Variants in GMPPB observed in about 807,000 individuals in gnomAD.
GMPPB encodes mannose-1-phosphate guanylyltransferase catalytic subunit beta.
Under a neutral mutation model 40.3 loss-of-function variants are expected in GMPPB, and 38 were observed. The ratio of observed to expected loss-of-function variants is 0.94; its 90% CI spans 0.73 to 1.24. The LOEUF (loss-of-function observed/expected upper bound fraction) is 1.24, where lower values mean the gene tolerates loss of function less well. Among genes scored for constraint, GMPPB ranks in the 50% most tolerant of loss-of-function variants. The pLI, the probability that GMPPB is intolerant of heterozygous loss-of-function variation, is 0.00. For synonymous variants in GMPPB, 193 were observed against 191.8 expected (o/e 1.01, Z -0.05); for missense variants, 436 against 487.1 (o/e 0.90, Z 0.99).
At position 49,720,312 on chromosome 3, in the gene GMPPB, C is replaced by T. The variant is rs2080369726; in HGVS notation, c.*1440G>A. The stretch of plus-strand genomic sequence containing the variant: ...GCCTGGGCAACAGAGCGAGACTCGT[C>T]TCAAGAAAAAAAAAAAAAAAACAGG... On this transcript the variant is annotated 3_prime_UTR_variant, in exon 9 of 9. Coordinates refer to ENST00000308388, the MANE Select transcript of GMPPB (RefSeq NM_021971.4). The T allele has an allele frequency of 2.3e-6, 1 of 434,054 alleles. No individual in the cohort carries two copies. Among genetic ancestry groups the T allele is most frequent in the Non-Finnish European group, 3.9e-6 (1 of 257,120 alleles). 26.9% of individuals were successfully genotyped at this position (434,054 alleles called of 1,614,324 possible). A position where few individuals can be genotyped will look rare whatever the true frequency, so the allele number is the denominator to read the frequency against.
chr3:49,720,470 C>A lies in GMPPB; in HGVS notation c.*1282G>T. The A allele has an allele frequency of 6.6e-7, 1 of 1,512,294 alleles. No individual in the cohort carries two copies. Among genetic ancestry groups the A allele is most frequent in the Non-Finnish European group, 8.9e-7 (1 of 1,129,244 alleles). 93.7% of individuals were successfully genotyped at this position (1,512,294 alleles called of 1,614,324 possible). On this transcript the variant is annotated 3_prime_UTR_variant, in exon 9 of 9. Coordinates refer to ENST00000308388, the MANE Select transcript of GMPPB (RefSeq NM_021971.4). ...ATCCCAAGAGAGACTTTTAGCCAGG[C>A]CCCAAGCCTTCTGACTGCCCTTGCA...
chr3:49,723,104 C>T lies in GMPPB; in HGVS notation c.270G>A (p.Leu90=). 6.2e-7 allele frequency: 1 copy of T among 1,613,998 alleles called. No homozygotes were observed. Among genetic ancestry groups the T allele is most frequent in the Non-Finnish European group, 8.5e-7 (1 of 1,179,992 alleles). The change falls in exon 4 of 9, where the codon CTG becomes CTA. Residue 90 remains leucine, a synonymous_variant. Coordinates refer to ENST00000308388, the MANE Select transcript of GMPPB (RefSeq NM_021971.4). ...EEEPLGTAGP[L]ALARDLLSET... ...CAGAGAGTAGGTCACGGGCCAGCGC[C>T]AGGGGCCCAGCTGGGGGAAGGGGAC...
chr3:49,722,703 C>T lies in GMPPB; in HGVS notation c.454G>A (p.Asp152Asn). 1 of 1,613,778 alleles carries T rather than the reference C, an allele frequency of 6.2e-7. No individual in the cohort carries two copies. Among genetic ancestry groups the T allele is most frequent in the Non-Finnish European group, 8.5e-7 (1 of 1,179,988 alleles). Residue 152 changes from aspartate to asparagine, a missense_variant, in exon 5 of 9, where the codon GAC becomes AAC. Asp to Asn is a conservative substitution (Grantham distance 23, BLOSUM62 1). Transcript: ENST00000308388. The part of the protein sequence containing the change: ...SKYGVVVCEA[D>N]TGRIHRFVEK... ...ACGAACCGGTGAATGCGGCCTGTGT[C>T]AGCCTCACACACCACCACACCGTAC... is the stretch of plus-strand genomic sequence containing the variant.
intron 4 of GMPPB, 49 bp downstream of exon 4, chr3:49,722,909 GGGGCATGGGAGGCT>G: frequency 6.3e-7 from 1 of 1,575,372 alleles, no homozygotes; most frequent in South Asian, 1.1e-5. Context: ...TGAAGGCTAG[GGGGCATGGGAGGCT>G]GGGCATGGAG....
intron 4 of GMPPB, 44 bp downstream of exon 4, chr3:49,722,928 A>G (rs1364178090): frequency 1.2e-6 from 2 of 1,601,462 alleles, no homozygotes; most frequent in Admixed American, 1.7e-5. Context: ...GAGGCTGGGC[A>G]TGGAGGGTGA....
chr3:49,722,941 G>A (rs1289332583), intron 4 of GMPPB, 31 bp downstream of exon 4: 7 of 1,609,046 alleles, frequency 4.4e-6, no homozygotes, highest in Non-Finnish European at 4.2e-6. Flanking sequence ...GAGGGTGAAA[G>A]TGTCAAGAGA....
Position 49,722,677 on chromosome 3 carries a change from C to T in GMPPB, c.480G>A (p.Val160=). The change falls in exon 5 of 9, where the codon GTG becomes GTA. Residue 160 remains valine, a synonymous_variant. Coordinates refer to ENST00000308388, the MANE Select transcript of GMPPB (RefSeq NM_021971.4). The part of the protein sequence containing the change: ...EADTGRIHRF[V]EKPQVFVSNK... Reference sequence around the variant, plus strand: ...TGGACACAAACACCTGTGGCTTCTCCACGAACCGGTGAATGCGGCCTGTGT... The same window carrying T: ...TGGACACAAACACCTGTGGCTTCTCTACGAACCGGTGAATGCGGCCTGTGT... 6.2e-7 allele frequency: 1 copy of T among 1,613,956 alleles called. No homozygotes were observed.
Position 49,723,748 on chromosome 3 carries a change from G to A in GMPPB, c.-22C>T, listed in dbSNP as rs576559767. 6.4e-7 allele frequency: 1 copy of A among 1,570,636 alleles called. No individual in the cohort carries two copies. The highest frequency in any genetic ancestry group is 1.9e-5 in the Admixed American group (1 of 53,672). ...TCATCGCGCCTGCGGACGTTGAGGG[G>A]GTGTCCCGGGCTCTGAGGTGCCTGC... On this transcript the variant is annotated 5_prime_UTR_variant, in exon 1 of 9. Transcript: ENST00000308388.
At position 49,722,235 on chromosome 3, in the gene GMPPB, A is replaced by G. The variant is rs1291694905; in HGVS notation, c.764T>C (p.Leu255Pro). 5 of 1,612,946 alleles carry G rather than the reference A, an allele frequency of 3.1e-6. No homozygotes were observed. The highest frequency in any genetic ancestry group is 4.2e-6 in the Non-Finnish European group (5 of 1,179,480). ...CSGPGIVGNV[L>P]VDPSARIGQN... ...TGGGCTGGGCAAGGGCCTCACCACCAGCACGTTGCCCACAATGCCAGGGCC... is the reference window on the plus strand; with the variant it reads ...TGGGCTGGGCAAGGGCCTCACCACCGGCACGTTGCCCACAATGCCAGGGCC... The change falls in exon 7 of 9, where the codon CTG becomes CCG. Residue 255 changes from leucine to proline, a missense_variant. By Grantham distance (98) the Leu-to-Pro change is moderately conservative (BLOSUM62 -3). Transcript: ENST00000308388.
In GMPPB at chr3:49,722,696, C is replaced by G; in HGVS notation, c.461G>C (p.Gly154Ala). ...CTTCTCCACGAACCGGTGAATGCGGCCTGTGTCAGCCTCACACACCACCAC... is the reference window on the plus strand; with the variant it reads ...CTTCTCCACGAACCGGTGAATGCGGGCTGTGTCAGCCTCACACACCACCAC... ...YGVVVCEADT[G>A]RIHRFVEKPQ... The change falls in exon 5 of 9, where the codon GGC (glycine) becomes GCC (alanine). Residue 154 changes from glycine (G) to alanine (A), a missense_variant. By Grantham distance (60) the Gly-to-Ala change is moderately conservative. Transcript: ENST00000308388. 1 of 1,613,820 alleles carries G rather than the reference C, an allele frequency of 6.2e-7. No individual in the cohort carries two copies. The highest frequency in any genetic ancestry group is 1.3e-5 in the African/African-American group (1 of 75,056).
At position 49,721,530 on chromosome 3, in the gene GMPPB, G is replaced by A. The variant is rs1340221781; in HGVS notation, c.*222C>T. On this transcript the variant is annotated 3_prime_UTR_variant, in exon 9 of 9. Coordinates refer to ENST00000308388, the MANE Select transcript of GMPPB (RefSeq NM_021971.4). Reference sequence around the variant, plus strand: ...GAGCATTAAATTATTATTCCATACAGCCCTGGCCCTGGCCCTTCTTGAGGG... The same window carrying A: ...GAGCATTAAATTATTATTCCATACAACCCTGGCCCTGGCCCTTCTTGAGGG... 2 of 793,020 alleles carry A rather than the reference G, an allele frequency of 2.5e-6. No individual in the cohort carries two copies. Among genetic ancestry groups the A allele is most frequent in the Admixed American group, 2.0e-5 (1 of 50,452 alleles). The allele number at this position is 793,020 out of a possible 1,614,324, so 49.1% of individuals were successfully genotyped here. A position where few individuals can be genotyped will look rare whatever the true frequency, so the allele number is the denominator to read the frequency against.
At position 49,722,336 on chromosome 3, in the gene GMPPB, C is replaced by G; in HGVS notation, c.663G>C (p.Gln221His). 1 of 1,613,950 alleles carries G rather than the reference C, an allele frequency of 6.2e-7. No homozygotes were observed. The highest frequency in any genetic ancestry group is 1.1e-5 in the South Asian group (1 of 91,066). The change falls in exon 7 of 9, where the codon CAG (glutamine) becomes CAC (histidine). Residue 221 changes from glutamine to histidine, a missense_variant. Coordinates refer to ENST00000308388, the MANE Select transcript of GMPPB (RefSeq NM_021971.4). Reference protein sequence around the residue: ...ELQGFWMDIGQPKDFLTGMCL... With the variant: ...ELQGFWMDIGHPKDFLTGMCL... ...ACATGCCAGTGAGGAAGTCCTTGGG[C>G]TGCCCAATGTCCATCCAGAAGCCTG...
At chr3:49,723,187 C>A in intron 3 of GMPPB, 67 bp downstream of exon 3, 1 of 1,611,002 alleles carries the variant, frequency 6.2e-7, no homozygotes, top group Non-Finnish European at 8.5e-7. Context: ...AGGCCCACTC[C>A]AGGCTGGGTC....
chr3:49,723,175 GCAGGCCCACTC>G, intron 3 of GMPPB, 61 bp from the exon 4 acceptor site: 1 of 1,610,450 alleles, frequency 6.2e-7, no homozygotes, highest in East Asian at 2.2e-5. Flanking sequence ...TTCAGGCTCA[GCAGGCCCACTC>G]CAGGCTGGGT....
chr3:49,720,261 A>T lies in GMPPB; in HGVS notation c.*1491T>A, dbSNP rs377154911. On this transcript the variant is annotated 3_prime_UTR_variant, in exon 9 of 9. Coordinates refer to ENST00000308388, the MANE Select transcript of GMPPB (RefSeq NM_021971.4). ...AACCCGGGAGGTGGAGGTTGCAGTG[A>T]GCCGAGATCGTGCCATCGCACTCCA... The T allele has an allele frequency of 4.9e-5, 15 of 303,408 alleles. No homozygotes were observed. Among genetic ancestry groups the T allele is most frequent in the African/African-American group, 3.2e-4 (15 of 46,216 alleles). 18.8% of individuals were successfully genotyped at this position (303,408 alleles called of 1,614,324 possible).
rs748848527 is a variant in GMPPB, at chr3:49,722,075, C to T, written c.841G>A (p.Glu281Lys). 7.4e-6 allele frequency: 12 copies of T among 1,613,570 alleles called. No individual in the cohort carries two copies. The highest frequency in any genetic ancestry group is 1.7e-5 in the Admixed American group (1 of 60,032). ...NVSLGPGVVV[E>K]DGVCIRRCTV... ...CACCGCCGGATACACACACCATCTT[C>T]GACCACCACGCCAGGTCCCAGGCTC... The change falls in exon 8 of 9, where the codon GAA (glutamate) becomes AAA (lysine). Residue 281 changes from glutamate to lysine, a missense_variant. Coordinates refer to ENST00000308388, the MANE Select transcript of GMPPB (RefSeq NM_021971.4).
chr3:49,723,695 C>A lies in GMPPB; in HGVS notation c.32G>T (p.Gly11Val). The part of the protein sequence containing the change: MKALILVGGY[G>V]TRLRPLTLST... ...CAGCGTCAGCGGCCGTAGCCGCGTCCCATAGCCCCCCACTAAGATCAGTGC... is the reference window on the plus strand; with the variant it reads ...CAGCGTCAGCGGCCGTAGCCGCGTCACATAGCCCCCCACTAAGATCAGTGC... Residue 11 changes from glycine to valine, a missense_variant, in exon 1 of 9, where the codon GGG becomes GTG. Transcript: ENST00000308388. The A allele has an allele frequency of 6.3e-7, 1 of 1,592,156 alleles. No homozygotes were observed. Among genetic ancestry groups the A allele is most frequent in the Non-Finnish European group, 8.5e-7 (1 of 1,170,998 alleles).
rs2108209182 is a variant in GMPPB at position 49,721,123 on chromosome 3, C to T, written c.*629G>A. ...TCCTGCAAGTAAGTGGGCCCCACAG[C>T]TTGGTGGTGGGGAGAGCAGTAGGTA... On this transcript the variant is annotated 3_prime_UTR_variant, in exon 9 of 9. Coordinates refer to ENST00000308388, the MANE Select transcript of GMPPB (RefSeq NM_021971.4). 6.2e-7 allele frequency: 1 copy of T among 1,613,876 alleles called. No homozygotes were observed. Among genetic ancestry groups the T allele is most frequent in the South Asian group, 1.1e-5 (1 of 91,056 alleles).
chr3:49,721,224 C>T lies in GMPPB; in HGVS notation c.*528G>A. ...AGCACCTGATGAACAACAAGGACTGCTTCTTCTGCAAAACCACCATCGTGT... is the reference window on the plus strand; with the variant it reads ...AGCACCTGATGAACAACAAGGACTGTTTCTTCTGCAAAACCACCATCGTGT... On this transcript the variant is annotated 3_prime_UTR_variant, in exon 9 of 9. Transcript: ENST00000308388. 1 of 1,614,200 alleles carries T rather than the reference C, an allele frequency of 6.2e-7. No individual in the cohort carries two copies. Among genetic ancestry groups the T allele is most frequent in the Non-Finnish European group, 8.5e-7 (1 of 1,180,026 alleles).
Sources: allele counts gnomAD v4.1 joint callset, GRCh38; gene constraint gnomAD v4.1.1; transcripts MANE v1.5; gene names NCBI Gene and HGNC (gene_info 2026-07-23, HGNC 2026-07-21).